The following COBLL1 variants were observed in gnomAD, a reference collection of about 807,000 sequenced individuals.
COBLL1 encodes the protein cordon-bleu protein-like 1.
COBLL1 carries 50 observed loss-of-function variants against 94.8 expected under a neutral mutation model. The ratio of observed to expected loss-of-function variants is 0.53; its 90% confidence interval spans 0.42 to 0.67. The LOEUF is 0.67. COBLL1 is among the 30% of genes least tolerant of loss of function. COBLL1 has a pLI of 0.00. For missense variants in COBLL1, 1,362 were observed against 1,348.7 expected (o/e 1.01, Z -0.15); for synonymous variants, 448 against 473.8 (o/e 0.95, Z 0.71).
intron 2 of COBLL1, among the ~76,000 whole-genome samples, chr2:164,752,206 A>C (rs1468888177): frequency 6.6e-6 from 1 of 152,100 alleles, no homozygotes; most frequent in Non-Finnish European, 1.5e-5. Context: ...TTTTACCTGC[A>C]CTAACTCGTG....
At chr2:164,750,476 C>A (rs1024329150) in intron 2 of COBLL1, among the ~76,000 whole-genome samples, 1 of 152,158 alleles carries the variant, frequency 6.6e-6, no homozygotes, top group Non-Finnish European at 1.5e-5. Context: ...TACTTTTCAC[C>A]AGCTCCCTGC....
intron 2 of COBLL1, among the ~76,000 whole-genome samples, chr2:164,831,361 AAAATTTTATTAAATTTTATTTT>A (rs773860659): frequency 4.0e-5 from 6 of 151,624 alleles, no homozygotes; most frequent in African/African-American, 7.3e-5. Context: ...TTTAACATTT[AAAATTTTATTAAATTTTATTTT>A]AAATTTTATT....
At chr2:164,676,871 T>A (rs1691347686), downstream of COBLL1, among the ~76,000 whole-genome samples, 1 of 152,182 alleles carries the variant, frequency 6.6e-6, no homozygotes, top group African/African-American at 2.4e-5. Context: ...TCTCTAAACC[T>A]GCTATTCATT....
At chr2:164,784,217 T>G (rs1688839948) in intron 2 of COBLL1, among the ~76,000 whole-genome samples, 1 of 152,180 alleles carries the variant, frequency 6.6e-6, no homozygotes, top group African/African-American at 2.4e-5. Flanking sequence ...CATTTATGCA[T>G]GTTTTATATG....
chr2:164,746,359 T>C (rs1431734401), intron 2 of COBLL1, among the ~76,000 whole-genome samples: 1 of 152,114 alleles, frequency 6.6e-6, no homozygotes, highest in Non-Finnish European at 1.5e-5. Context: ...ACTAGAGAAG[T>C]TTCTCTGAAT....
chr2:164,820,973 C>T (rs530592169), intron 2 of COBLL1, among the ~76,000 whole-genome samples: 4 of 152,204 alleles, frequency 2.6e-5, no homozygotes, highest in South Asian at 2.1e-4. Flanking sequence ...ATGCAACCTC[C>T]GCCTCCCAGG....
chr2:164,828,097 T>C (rs1348978715), intron 2 of COBLL1, among the ~76,000 whole-genome samples: 1 of 152,190 alleles, frequency 6.6e-6, no homozygotes, highest in African/African-American at 2.4e-5. Context: ...GGTTAATGGC[T>C]ATAAAAATGA....
intron 2 of COBLL1, among the ~76,000 whole-genome samples, chr2:164,780,140 T>C (rs1312504186): frequency 6.6e-6 from 1 of 152,190 alleles, no homozygotes; most frequent in Non-Finnish European, 1.5e-5. Flanking sequence ...TTCCGTAAGC[T>C]ATCTGTGTGA....
At chr2:164,793,635 T>C (rs868573464) in intron 2 of COBLL1, among the ~76,000 whole-genome samples, 39 of 152,230 alleles carry the variant, frequency 2.6e-4, no homozygotes, top group Non-Finnish European at 4.7e-4. Flanking sequence ...TCAGAGACTT[T>C]TGTTGTTATA....
intron 3 of COBLL1, 83 bp downstream of exon 3, chr2:164,743,604 C>T: frequency 9.1e-7 from 1 of 1,097,662 alleles, no homozygotes; most frequent in Non-Finnish European, 1.4e-6. Context: ...TGTCAAAGAA[C>T]AAACATCAAG....
rs189783456 is a variant in COBLL1 at position 164,688,207 on chromosome 2, G to C, written c.3301-2175C>G. ...CTTACAGAGCAACCTATCAAGAATG[G>C]TTATTTTTGAAGAGAAATGACATCT... is the stretch of plus-strand genomic sequence containing the variant. On this transcript the variant is annotated intron_variant, in intron 13 of 13. Coordinates refer to ENST00000652658, the MANE Select transcript of COBLL1 (RefSeq NM_001365672.2). Among the ~76,000 whole-genome samples, 16 of 152,156 alleles carry C rather than the reference G, an allele frequency of 1.1e-4. No homozygotes were observed. In the East Asian group the frequency reaches 2.7e-3, roughly 26 times the overall value.
intron 3 of COBLL1, among the ~76,000 whole-genome samples, chr2:164,738,824 A>G (rs1686452653): frequency 6.6e-6 from 1 of 152,170 alleles, no homozygotes; most frequent in South Asian, 2.1e-4. Flanking sequence ...TTTGAGCATC[A>G]TATTCACACT....
At chr2:164,678,240 G>A (rs1205786897), downstream of COBLL1, among the ~76,000 whole-genome samples, 1 of 152,116 alleles carries the variant, frequency 6.6e-6, no homozygotes, top group Non-Finnish European at 1.5e-5. Flanking sequence ...TAATATTGGT[G>A]CAGTATACAC....
rs1265277204 is a variant in COBLL1 at position 164,682,150 on chromosome 2, A to T, written c.*3796T>A. The T allele has an allele frequency of 6.6e-6, 1 of 152,188 alleles. No homozygotes were observed. Among genetic ancestry groups the T allele is most frequent in the Non-Finnish European group, 1.5e-5 (1 of 68,030 alleles). The allele number at this position is 152,188 out of a possible 1,614,324, so 9.4% of individuals were successfully genotyped here. A position where few individuals can be genotyped will look rare whatever the true frequency, so the allele number is the denominator to read the frequency against. On this transcript the variant is annotated 3_prime_UTR_variant, in exon 14 of 14. Transcript: ENST00000652658. ...TCTGCTTCTGTGACCTTTGTAAAGT[A>T]GCAATCTTTGCACACCTTTTAAATA...
intron 2 of COBLL1, among the ~76,000 whole-genome samples, chr2:164,786,531 A>G (rs1335956872): frequency 6.6e-6 from 1 of 152,188 alleles, no homozygotes; most frequent in Non-Finnish European, 1.5e-5. Flanking sequence ...GAAAACAGCA[A>G]GCAGCTCAGT....
At chr2:164,757,997 T>C (rs1687494519) in intron 2 of COBLL1, among the ~76,000 whole-genome samples, 2 of 151,564 alleles carry the variant, frequency 1.3e-5, no homozygotes, top group African/African-American at 2.4e-5. Context: ...TGGGGAAAAA[T>C]ATGAGAAAAA....
chr2:164,794,352 A>G (rs1444192867), intron 2 of COBLL1, among the ~76,000 whole-genome samples: 1 of 152,192 alleles, frequency 6.6e-6, no homozygotes. Flanking sequence ...TGTTAAGCAT[A>G]AAAAGAATGT....
At chr2:164,661,360 T>C (rs1691068146) in intron 2 of COBLL1, among the ~76,000 whole-genome samples, 1 of 152,122 alleles carries the variant, frequency 6.6e-6, no homozygotes, top group Non-Finnish European at 1.5e-5. Context: ...CTTTGGCTCA[T>C]ACAAAGAAGA....
intron 2 of COBLL1, among the ~76,000 whole-genome samples, chr2:164,744,630 C>T (rs976621470): frequency 2.6e-5 from 4 of 152,048 alleles, no homozygotes; most frequent in Non-Finnish European, 4.4e-5. Context: ...GTCCAGCCTG[C>T]GCAACATGGT....
Sources: gnomAD v4.1 joint callset for allele counts (sites outside exome capture counted in the v4.1 genomes callset) on GRCh38, gnomAD v4.1.1 for gene constraint, MANE v1.5 for transcripts, NCBI Gene and HGNC (gene_info 2026-07-23, HGNC 2026-07-21) for gene names.